The following PDE4D variants were observed in gnomAD, a reference collection of about 807,000 sequenced individuals.
The protein encoded by PDE4D is 3',5'-cyclic-AMP phosphodiesterase 4D.
PDE4D carries 24 observed loss-of-function variants against 87.4 expected under a neutral mutation model. That is an observed-to-expected ratio of 0.27 (90% CI 0.20 to 0.39). The LOEUF (loss-of-function observed/expected upper bound fraction) is 0.39, where lower values mean the gene tolerates loss of function less well. PDE4D is among the 10% of genes least tolerant of loss of function. The pLI is 1.00. For missense variants in PDE4D, 714 were observed against 1,041.0 expected (o/e 0.69, Z 4.32); for synonymous variants, 384 against 383.2 (o/e 1.00, Z -0.02).
At chr5:59,698,073 C>G (rs748112258) in intron 1 of PDE4D, among the ~76,000 whole-genome samples, 7 of 152,030 alleles carry the variant, frequency 4.6e-5, no homozygotes, top group Non-Finnish European at 7.4e-5. Context: ...GCAAATGTTA[C>G]AAAAATATTA....
chr5:60,396,422 G>C (rs1029004358), intron 1 of PDE4D, among the ~76,000 whole-genome samples: 5 of 152,156 alleles, frequency 3.3e-5, no homozygotes, highest in African/African-American at 1.2e-4. Context: ...TCTTCTCATG[G>C]GGCTAGAAGG....
intron 1 of PDE4D, among the ~76,000 whole-genome samples, chr5:59,595,851 G>A (rs1826600031): frequency 6.6e-6 from 1 of 151,866 alleles, no homozygotes; most frequent in Admixed American, 6.6e-5. Context: ...TACAGTAGTA[G>A]GACATAGTAG....
intron 2 of PDE4D, among the ~76,000 whole-genome samples, chr5:60,051,786 AC>A (rs1270986585): frequency 3.3e-5 from 5 of 152,158 alleles, no homozygotes; most frequent in African/African-American, 1.2e-4. Flanking sequence ...AAATAGATAG[AC>A]CACTAGCCAG....
intron 1 of PDE4D, among the ~76,000 whole-genome samples, chr5:59,668,827 A>G (rs146895443): frequency 0.027 from 2,029 of 76,374 alleles, 177 homozygotes; most frequent in Non-Finnish European, 0.029. Context: ...AAGAAGAAGA[A>G]GAAGAGGAAG....
At chr5:59,145,766 C>T (rs1778550604) in intron 5 of PDE4D, among the ~76,000 whole-genome samples, 1 of 152,108 alleles carries the variant, frequency 6.6e-6, no homozygotes, top group South Asian at 2.1e-4. Context: ...TTCTAGTGAA[C>T]ATAAACACAT....
chr5:59,136,040 C>CTT (rs1561546568), intron 5 of PDE4D, among the ~76,000 whole-genome samples: 2 of 146,808 alleles, frequency 1.4e-5, no homozygotes, highest in African/African-American at 4.9e-5. Flanking sequence ...AAAAAAAAAA[C>CTT]CCTAAACAAA....
chr5:59,999,526 T>TA (rs1325345412), intron 2 of PDE4D, among the ~76,000 whole-genome samples: 4,674 of 56,996 alleles, frequency 0.082, 360 homozygotes, highest in African/African-American at 0.25. Context: ...TATCCCGTGG[T>TA]AAAAAAAAAA....
At chr5:59,570,911 TAGCAA>T (rs1821727407) in intron 1 of PDE4D, among the ~76,000 whole-genome samples, 1 of 152,294 alleles carries the variant, frequency 6.6e-6, no homozygotes, top group African/African-American at 2.4e-5. Flanking sequence ...TTGAATAAAT[TAGCAA>T]AGCAAAAGAA....
chr5:59,983,738 C>G (rs1762141878), intron 3 of PDE4D, among the ~76,000 whole-genome samples: 1 of 152,164 alleles, frequency 6.6e-6, no homozygotes, highest in Non-Finnish European at 1.5e-5. Flanking sequence ...ACAACTGTAC[C>G]TACTACGTAT....
chr5:59,882,754 G>A (rs1749622394), intron 1 of PDE4D, among the ~76,000 whole-genome samples: 4 of 149,054 alleles, frequency 2.7e-5, no homozygotes, highest in African/African-American at 1.0e-4. Context: ...TACCAACACT[G>A]AATTCTCCTT....
chr5:59,236,934 T>C (rs1408078646), intron 1 of PDE4D, among the ~76,000 whole-genome samples: 1 of 152,182 alleles, frequency 6.6e-6, no homozygotes. Flanking sequence ...TACTTTTGCC[T>C]ATAAAAGTGG....
chr5:60,300,594 G>T (rs529863009), intron 1 of PDE4D, among the ~76,000 whole-genome samples: 1 of 152,070 alleles, frequency 6.6e-6, no homozygotes, highest in South Asian at 2.1e-4. Flanking sequence ...TAAGGAAGGG[G>T]CCGAATTTCA....
intron 2 of PDE4D, among the ~76,000 whole-genome samples, chr5:60,003,635 G>A (rs997634512): frequency 6.6e-6 from 1 of 151,348 alleles, no homozygotes; most frequent in Non-Finnish European, 1.5e-5. Flanking sequence ...CTTGAACCTG[G>A]GAGGCAGAGG....
intron 1 of PDE4D, among the ~76,000 whole-genome samples, chr5:60,190,926 G>C (rs957899545): frequency 6.6e-6 from 1 of 152,072 alleles, no homozygotes; most frequent in African/African-American, 2.4e-5. Flanking sequence ...GCTTAATTTG[G>C]CCTTACCTCA....
intron 5 of PDE4D, among the ~76,000 whole-genome samples, chr5:59,108,953 CAATGTGTGTGTGTG>C (rs1379700689): frequency 2.3e-4 from 22 of 94,424 alleles, no homozygotes; most frequent in Admixed American, 4.5e-4. Flanking sequence ...CATAGGAACT[CAATGTGTGTGTGTG>C]TGTGTGTGTG....
At chr5:59,089,111 T>G (rs1768233405) in intron 5 of PDE4D, among the ~76,000 whole-genome samples, 1 of 152,098 alleles carries the variant, frequency 6.6e-6, no homozygotes, top group Non-Finnish European at 1.5e-5. Context: ...TCTATCAGAG[T>G]TTCCTGCTGT....
chr5:60,004,630 C>T (rs1764305093), intron 2 of PDE4D, among the ~76,000 whole-genome samples: 1 of 152,064 alleles, frequency 6.6e-6, no homozygotes, highest in Admixed American at 6.5e-5. Context: ...ATAGCAAACA[C>T]TCCAATAACC....
chr5:59,463,888 C>T (rs1801139705), intron 1 of PDE4D, among the ~76,000 whole-genome samples: 2 of 152,122 alleles, frequency 1.3e-5, no homozygotes, highest in Admixed American at 1.3e-4. Flanking sequence ...ATTCTTCTGC[C>T]TTGAGATTCT....
intron 1 of PDE4D, among the ~76,000 whole-genome samples, chr5:59,693,138 T>TA (rs1650177558): frequency 9.8e-6 from 1 of 102,050 alleles, no homozygotes; most frequent in African/African-American, 2.9e-5. Context: ...CCTGAAATTG[T>TA]ATATGTTTTC....
Sources: gnomAD v4.1 joint callset for allele counts (sites outside exome capture counted in the v4.1 genomes callset) on GRCh38, gnomAD v4.1.1 for gene constraint, MANE v1.5 for transcripts, NCBI Gene and HGNC (gene_info 2026-07-23, HGNC 2026-07-21) for gene names.